PPFIBP1: variants seen among roughly 807,000 people sequenced by gnomAD.
The protein encoded by PPFIBP1 is PPFIB scaffold protein 1.
PPFIBP1 carries 112 observed loss-of-function variants against 137.8 expected under a neutral mutation model. The observed-to-expected ratio is 0.81, with a 90% CI of 0.70 to 0.95. The LOEUF is 0.95. Among genes scored for constraint, PPFIBP1 ranks in the 40% least tolerant of loss-of-function variants. The probability of loss-of-function intolerance (pLI) is 0.00; values close to 1 mark genes in which losing one functional copy is unlikely to be tolerated. For missense variants in PPFIBP1, 1,083 were observed against 1,196.6 expected (o/e 0.91, Z 1.40); for synonymous variants, 378 against 417.3 (o/e 0.91, Z 1.15).
intron 6 of PPFIBP1, chr12:27,648,107 C>T (rs1373930371): frequency 2.5e-6 from 1 of 403,544 alleles, no homozygotes. Context: ...ATGGTTTCCT[C>T]TCACCCATAG....
chr12:27,646,383 C>T (rs575680008), intron 5 of PPFIBP1: 62 of 530,782 alleles, frequency 1.2e-4, no homozygotes, highest in East Asian at 5.1e-4. Context: ...AGTCTGAATA[C>T]GGGCACAATG....
chr12:27,549,060 G>A (rs980546168), intron 1 of PPFIBP1: 13 of 152,224 alleles, frequency 8.5e-5, no homozygotes. Flanking sequence ...TGGATGTGAA[G>A]GGGATAATCT....
chr12:27,574,612 A>G (rs1403045919), intron 1 of PPFIBP1, among the ~76,000 whole-genome samples: 1 of 152,204 alleles, frequency 6.6e-6, no homozygotes, highest in Non-Finnish European at 1.5e-5. Context: ...AACCTAAATT[A>G]TGCAGAGGTA....
chr12:27,679,934 C>T lies in PPFIBP1; in HGVS notation c.1768C>T (p.Leu590Phe), dbSNP rs751727636. 2 of 1,614,034 alleles carry T rather than the reference C, an allele frequency of 1.2e-6. No homozygotes were observed. Among genetic ancestry groups the T allele is most frequent in the South Asian group, 2.2e-5 (2 of 91,062 alleles). Residue 590 changes from leucine to phenylalanine, a missense_variant and splice_region_variant, in exon 21 of 30, where the codon CTT becomes TTT. By Grantham distance (22) the Leu-to-Phe change is conservative. Coordinates refer to ENST00000228425, the MANE Select transcript of PPFIBP1 (RefSeq NM_003622.4). ...GGCCATGTGTGTTGTCTTCTTTAGA[C>T]TTAGGAGAAGTCAATCAACTACATT... is the stretch of plus-strand genomic sequence containing the variant. ...SRGIMKLFGK[L>F]RRSQSTTFNP...
chr12:27,619,201 C>T (rs1167370401), intron 2 of PPFIBP1, among the ~76,000 whole-genome samples: 1 of 152,010 alleles, frequency 6.6e-6, no homozygotes, highest in African/African-American at 2.4e-5. Context: ...TCCAGAGATG[C>T]TCAAGTCCCT....
chr12:27,684,974 T>C (rs531918559), intron 24 of PPFIBP1, among the ~76,000 whole-genome samples: 2 of 152,210 alleles, frequency 1.3e-5, no homozygotes, highest in Non-Finnish European at 2.9e-5. Flanking sequence ...CACCAGTTTT[T>C]CCAGTAAGGT....
chr12:27,677,130 A>G (rs1344665750), intron 19 of PPFIBP1, 34 bp downstream of exon 19: 1 of 1,613,034 alleles, frequency 6.2e-7, no homozygotes, highest in East Asian at 2.2e-5. Context: ...CTTCACCAGC[A>G]CTGTGCTCCA....
intron 5 of PPFIBP1, among the ~76,000 whole-genome samples, chr12:27,647,094 C>T (rs1216175951): frequency 5.9e-5 from 9 of 152,314 alleles, no homozygotes; most frequent in Non-Finnish European, 8.8e-5. Context: ...CTCCACCTCC[C>T]GGATCCAAGC....
At position 27,688,320 on chromosome 12, in the gene PPFIBP1, T is replaced by A; in HGVS notation, c.2393T>A (p.Val798Asp). 1 of 1,614,026 alleles carries A rather than the reference T, an allele frequency of 6.2e-7. No individual in the cohort carries two copies. Among genetic ancestry groups the A allele is most frequent in the Non-Finnish European group, 8.5e-7 (1 of 1,179,950 alleles). Residue 798 changes from valine (V) to aspartate (D), a missense_variant, in exon 26 of 30, where the codon GTT (valine) becomes GAT (aspartate). By Grantham distance (152) the Val-to-Asp change is radical (BLOSUM62 -3). Coordinates refer to ENST00000228425, the MANE Select transcript of PPFIBP1 (RefSeq NM_003622.4). ...TAGAATACCATCGCCCCATCAGAAG[T>A]TCAGAAGTGGACTAACCATCGAGTG... ...SDENTIAPSE[V>D]QKWTNHRVME... is the part of the protein sequence containing the mutation.
chr12:27,626,846 G>A (rs1388255677), intron 2 of PPFIBP1, among the ~76,000 whole-genome samples: 1 of 152,138 alleles, frequency 6.6e-6, no homozygotes, highest in African/African-American at 2.4e-5. Flanking sequence ...GATTACAGGC[G>A]TGAGCCACCA....
intron 1 of PPFIBP1, among the ~76,000 whole-genome samples, chr12:27,544,640 A>G (rs1173938668): frequency 6.6e-6 from 1 of 152,260 alleles, no homozygotes; most frequent in African/African-American, 2.4e-5. Flanking sequence ...CATATGAAAA[A>G]AAGCTCATCA....
At chr12:27,588,079 A>T (rs1341608993) in intron 2 of PPFIBP1, among the ~76,000 whole-genome samples, 1 of 152,248 alleles carries the variant, frequency 6.6e-6, no homozygotes, top group Non-Finnish European at 1.5e-5. Context: ...GTCTAGATTC[A>T]TCTAACTGTT....
chr12:27,558,360 T>A (rs147939927), intron 1 of PPFIBP1, among the ~76,000 whole-genome samples: 2 of 151,926 alleles, frequency 1.3e-5, no homozygotes, highest in Admixed American at 1.3e-4. Flanking sequence ...AGTAATTAGA[T>A]CATATAATGA....
chr12:27,580,198 T>A lies in PPFIBP1; in HGVS notation c.-36+1959T>A, dbSNP rs528406836. Among the ~76,000 whole-genome samples, 381 of 152,220 alleles carry A rather than the reference T, an allele frequency of 2.5e-3. 4 individuals are homozygous for A. Among genetic ancestry groups the A allele is most frequent in the African/African-American group, 8.6e-3 (357 of 41,512 alleles). On this transcript the variant is annotated intron_variant, in intron 2 of 29. Transcript: ENST00000228425. ...AGCTCAGAAGGAGCTCTCAAAGAATTTTCTGAACAAATTCATTAAGCCTAA... is the reference window on the plus strand; with the variant it reads ...AGCTCAGAAGGAGCTCTCAAAGAATATTCTGAACAAATTCATTAAGCCTAA...
chr12:27,555,172 G>A (rs192785397), intron 1 of PPFIBP1, among the ~76,000 whole-genome samples: 29 of 152,254 alleles, frequency 1.9e-4, no homozygotes, highest in African/African-American at 6.5e-4. Flanking sequence ...CCTAGATGTT[G>A]GCTCAGGTCC....
chr12:27,623,181 G>A (rs2138629638), intron 2 of PPFIBP1, among the ~76,000 whole-genome samples: 1 of 152,240 alleles, frequency 6.6e-6, no homozygotes, highest in East Asian at 1.9e-4. Flanking sequence ...GGAAGAATGA[G>A]GTTAGAGTTA....
At chr12:27,590,719 G>T (rs1470519334) in intron 2 of PPFIBP1, among the ~76,000 whole-genome samples, 1 of 152,210 alleles carries the variant, frequency 6.6e-6, no homozygotes, top group African/African-American at 2.4e-5. Context: ...AGGCAGTCAG[G>T]AAATGGGGAG....
At chr12:27,564,803 T>C (rs2049500709) in intron 1 of PPFIBP1, among the ~76,000 whole-genome samples, 1 of 152,190 alleles carries the variant, frequency 6.6e-6, no homozygotes, top group African/African-American at 2.4e-5. Flanking sequence ...CGTCCTCTCC[T>C]ATTTTCCCAG....
chr12:27,667,133 C>G (rs764750376), intron 12 of PPFIBP1, 33 bp from the exon 13 acceptor site: 1 of 1,497,342 alleles, frequency 6.7e-7, no homozygotes, highest in Non-Finnish European at 8.9e-7. Flanking sequence ...TCAAAAGCTG[C>G]TGTTGTCTTC....
Sources: allele counts gnomAD v4.1 joint callset (sites outside exome capture counted in the v4.1 genomes callset), GRCh38; gene constraint gnomAD v4.1.1; transcripts MANE v1.5; gene names NCBI Gene and HGNC (gene_info 2026-07-23, HGNC 2026-07-21).